LARS1: variants seen among roughly 807,000 people sequenced by gnomAD.
The protein encoded by LARS1 is leucine--tRNA ligase, cytoplasmic.
Under a neutral mutation model 162.8 loss-of-function variants are expected in LARS1, and 100 were observed. The ratio of observed to expected loss-of-function variants is 0.61; its 90% CI spans 0.52 to 0.73. The LOEUF (loss-of-function observed/expected upper bound fraction) is 0.73, where lower values mean the gene tolerates loss of function less well. LARS1 is among the 30% of genes least tolerant of loss of function. LARS1 has a pLI of 0.00. For missense variants in LARS1, 1,258 were observed against 1,408.9 expected, an observed-to-expected ratio of 0.89 and a Z score of 1.71; for synonymous variants, 457 against 462.8, an observed-to-expected ratio of 0.99 and a Z score of 0.16.
At chr5:146,147,281 A>T (rs1211667616) in intron 15 of LARS1, among the ~76,000 whole-genome samples, 2 of 152,136 alleles carry the variant, frequency 1.3e-5, no homozygotes, top group Non-Finnish European at 2.9e-5. Context: ...ATCCTACAAC[A>T]AATCAGCCAG....
chr5:146,125,553 T>C (rs951328836), intron 28 of LARS1, among the ~76,000 whole-genome samples: 2 of 151,986 alleles, frequency 1.3e-5, no homozygotes, highest in African/African-American at 4.8e-5. Flanking sequence ...GTACACTATT[T>C]TATTTACTCC....
At chr5:146,144,569 T>G (rs760131353) in intron 16 of LARS1, 32 bp from the exon 17 acceptor site, 2 of 1,612,644 alleles carry the variant, frequency 1.2e-6, no homozygotes, top group South Asian at 2.2e-5. Flanking sequence ...TGTTTTTTTT[T>G]AAGTCAAAGG....
At chr5:146,117,872 A>G (rs1235716999) in intron 31 of LARS1, among the ~76,000 whole-genome samples, 1 of 152,256 alleles carries the variant, frequency 6.6e-6, no homozygotes. Flanking sequence ...TACTGAGAAC[A>G]GTCAAATACA....
intron 4 of LARS1, among the ~76,000 whole-genome samples, chr5:146,168,588 G>A (rs1022873197): frequency 7.9e-5 from 12 of 152,026 alleles, no homozygotes; most frequent in African/African-American, 2.9e-4. Context: ...GGGAGGTTGA[G>A]GTGACAGGAT....
chr5:146,144,804 C>G, intron 15 of LARS1, 95 bp from the exon 16 acceptor site: 1 of 1,074,558 alleles, frequency 9.3e-7, no homozygotes, highest in Non-Finnish European at 1.4e-6. Flanking sequence ...GCTATACCAC[C>G]AATAACTGAA....
chr5:146,149,973 C>G (rs188778260), intron 14 of LARS1, among the ~76,000 whole-genome samples: 10 of 152,252 alleles, frequency 6.6e-5, no homozygotes, highest in African/African-American at 2.2e-4. Flanking sequence ...TACTCACTTC[C>G]ACTTCTTAAG....
At chr5:146,178,956 G>C (rs181008052) in intron 1 of LARS1, among the ~76,000 whole-genome samples, 3 of 151,848 alleles carry the variant, frequency 2.0e-5, no homozygotes, top group Admixed American at 2.0e-4. Context: ...TTTTGGCCAG[G>C]TTTGGTGGCT....
rs1188070034 is a variant in LARS1, at chr5:146,144,740, T to A, written c.1504-31A>T. On this transcript the variant is annotated intron_variant, in intron 15 of 31. Coordinates refer to ENST00000394434, the MANE Select transcript of LARS1 (RefSeq NM_020117.11). ...GGAAGGTAAATAAACATACATTAGATACTATGTCAAATCAATCTTCATTCC... is the reference window on the plus strand; with the variant it reads ...GGAAGGTAAATAAACATACATTAGAAACTATGTCAAATCAATCTTCATTCC... The A allele has an allele frequency of 2.6e-6, 4 of 1,549,910 alleles. No individual in the cohort carries two copies. In the Admixed American group the frequency reaches 5.1e-5, roughly 20 times the overall value.
In LARS1 at chr5:146,151,883, ATATATC is replaced by A; in HGVS notation, c.1398_1403del (p.Lys466_Tyr468delinsAsn). 1 of 1,613,942 alleles carries A rather than the reference ATATATC, an allele frequency of 6.2e-7. No individual in the cohort carries two copies. The highest frequency in any genetic ancestry group is 8.5e-7 in the Non-Finnish European group (1 of 1,179,916). On this transcript the variant is annotated inframe_deletion, in exon 14 of 32. Coordinates refer to ENST00000394434, the MANE Select transcript of LARS1 (RefSeq NM_020117.11). ...TTACACCCTCATAAAATCCTTTTAG[ATATATC>A]TTCTCCTTTGCTTCTGCAAGTTTTT...
At chr5:146,164,227 G>T in intron 6 of LARS1, 83 bp downstream of exon 6, 1 of 1,337,658 alleles carries the variant, frequency 7.5e-7, no homozygotes, top group Non-Finnish European at 1.0e-6. Flanking sequence ...AAAAATCCAT[G>T]TCTGGAAAGC....
chr5:146,154,744 C>T (rs897547308), intron 10 of LARS1, among the ~76,000 whole-genome samples: 2 of 151,942 alleles, frequency 1.3e-5, no homozygotes, highest in African/African-American at 4.8e-5. Context: ...TGCCACTGCA[C>T]TCCAGCCTGG....
intron 31 of LARS1, among the ~76,000 whole-genome samples, chr5:146,115,175 G>C (rs983948197): frequency 2.0e-5 from 3 of 151,772 alleles, no homozygotes; most frequent in Non-Finnish European, 2.9e-5. Context: ...CAAACTAAGA[G>C]AGAGAAAGAA....
chr5:146,142,027 G>A (rs1752800801), intron 20 of LARS1, among the ~76,000 whole-genome samples: 1 of 152,130 alleles, frequency 6.6e-6, no homozygotes, highest in Non-Finnish European at 1.5e-5. Context: ...AGGCGTAGTG[G>A]TGCACACCTG....
chr5:146,172,599 A>C, intron 3 of LARS1, 88 bp downstream of exon 3: 2 of 617,292 alleles, frequency 3.2e-6, no homozygotes, highest in East Asian at 3.3e-5. Flanking sequence ...TTAACAGGAA[A>C]TAATAAATTC....
At chr5:146,173,735 T>C (rs2962512) in intron 2 of LARS1, among the ~76,000 whole-genome samples, 147,177 of 152,082 alleles carry the variant, frequency 0.97, 71,401 homozygotes, top group East Asian at 1. Context: ...GACTTATGAA[T>C]CCACTGAAAC....
At chr5:146,172,804 A>G (rs1754338942) in intron 2 of LARS1, 30 bp from the exon 3 acceptor site, 4 of 1,252,540 alleles carry the variant, frequency 3.2e-6, no homozygotes, top group South Asian at 1.6e-5. Flanking sequence ...AAAAGAAAGT[A>G]CAGAAGAATA....
Position 146,177,685 on chromosome 5 carries a change from T to A in LARS1, c.7-20A>T. ...TCTTTCCTATTGGACACAAAGAGAA[T>A]AATCCACTCTGTATTTCAGCACGCT... On this transcript the variant is annotated intron_variant, in intron 1 of 31. Coordinates refer to ENST00000394434, the MANE Select transcript of LARS1 (RefSeq NM_020117.11). The A allele has an allele frequency of 7.7e-7, 1 of 1,293,308 alleles. No individual in the cohort carries two copies. The highest frequency in any genetic ancestry group is 1.1e-6 in the Non-Finnish European group (1 of 901,992). The allele number at this position is 1,293,308 out of a possible 1,614,324, so 80.1% of individuals were successfully genotyped here. A position where few individuals can be genotyped will look rare whatever the true frequency, so the allele number is the denominator to read the frequency against.
At chr5:146,181,848 CTTTTTTTTTTTTTTTTTT>C (rs34658033) in intron 1 of LARS1, among the ~76,000 whole-genome samples, 8 of 53,040 alleles carry the variant, frequency 1.5e-4, no homozygotes, top group African/African-American at 5.6e-4. Context: ...TCAATTTTTT[CTTTTTTTTTTTTTTTTTT>C]TTTTTTTTTT....
At chr5:146,129,712 A>G (rs761523512) in intron 25 of LARS1, among the ~76,000 whole-genome samples, 1 of 94,044 alleles carries the variant, frequency 1.1e-5, no homozygotes, top group African/African-American at 2.7e-5. Context: ...ACTTACACAA[A>G]TATACACAAA....
Sources: allele counts gnomAD v4.1 joint callset (sites outside exome capture counted in the v4.1 genomes callset), GRCh38; gene constraint gnomAD v4.1.1; transcripts MANE v1.5; gene names NCBI Gene and HGNC (gene_info 2026-07-23, HGNC 2026-07-21).